IGF2R: variants seen among roughly 807,000 people sequenced by gnomAD.
IGF2R encodes the protein cation-independent mannose-6-phosphate receptor.
Under a neutral mutation model 270.6 loss-of-function variants are expected in IGF2R, and 91 were observed. The ratio of observed to expected loss-of-function variants is 0.34; its 90% CI spans 0.28 to 0.40. The LOEUF is 0.40. Ranked by LOEUF, IGF2R falls within the 10% of genes least tolerant of loss-of-function variation. IGF2R has a pLI of 1.00. For missense variants in IGF2R, 2,805 were observed against 3,188.3 expected, an observed-to-expected ratio of 0.88 and a Z score of 2.90; for synonymous variants, 1,316 against 1,258.9, an observed-to-expected ratio of 1.05 and a Z score of -0.96.
rs754691366 is a variant in IGF2R, at chr6:160,080,275, T to G, written c.5833T>G (p.Ser1945Ala). The change falls in exon 39 of 48, where the codon TCA (serine) becomes GCA (alanine). Residue 1945 changes from serine to alanine, a missense_variant and splice_region_variant. This residue lies in a region of IGF2R where 1,851 missense variants were observed against 2,207.2 expected (regional missense o/e 0.84). Coordinates refer to ENST00000356956, the MANE Select transcript of IGF2R (RefSeq NM_000876.4). ...RDHEWGFCRH[S>A]NSYRTSSIIF... ...CCACGAGTGGGGCTTCTGCAGACACTGTGAGTAGGACGGCTCCGCGTCCCC... is the reference window on the plus strand; with the variant it reads ...CCACGAGTGGGGCTTCTGCAGACACGGTGAGTAGGACGGCTCCGCGTCCCC... The G allele has an allele frequency of 2.7e-5, 43 of 1,613,758 alleles. No homozygotes were observed. Among genetic ancestry groups the G allele is most frequent in the Non-Finnish European group, 3.6e-5 (42 of 1,179,912 alleles).
At chr6:159,984,366 C>T (rs1020719921) in intron 1 of IGF2R, among the ~76,000 whole-genome samples, 4 of 151,946 alleles carry the variant, frequency 2.6e-5, no homozygotes, top group Non-Finnish European at 4.4e-5. Context: ...TAAACGAACC[C>T]ACTGCGCTAC....
intron 1 of IGF2R, among the ~76,000 whole-genome samples, chr6:159,980,183 A>AAAAGAAAGAAAGAAAGAAAGAAAGAAAG (rs57599343): frequency 1.6e-5 from 2 of 121,876 alleles, no homozygotes; most frequent in Admixed American, 8.4e-5. Context: ...TCCGTCTCAA[A>AAAAGAAAGAAAGAAAGAAAGAAAGAAAG]AAAGAAAGAA....
intron 27 of IGF2R, 77 bp from the exon 28 acceptor site, chr6:160,064,324 G>T (rs537977962): frequency 2.0e-6 from 3 of 1,519,196 alleles, no homozygotes; most frequent in Non-Finnish European, 2.7e-6. Context: ...AGGGTGTGTG[G>T]TGTCACATGT....
At chr6:159,984,546 G>A (rs1783852291) in intron 1 of IGF2R, among the ~76,000 whole-genome samples, 1 of 152,190 alleles carries the variant, frequency 6.6e-6, no homozygotes, top group South Asian at 2.1e-4. Context: ...TCTACGTTTA[G>A]ATATGTGTCA....
intron 1 of IGF2R, among the ~76,000 whole-genome samples, chr6:159,982,372 A>G (rs1783819527): frequency 6.6e-6 from 1 of 152,212 alleles, no homozygotes; most frequent in Non-Finnish European, 1.5e-5. Context: ...ACTCTGTTAG[A>G]GGACTTGCGT....
intron 35 of IGF2R, among the ~76,000 whole-genome samples, chr6:160,074,635 A>G (rs931921220): frequency 1.3e-5 from 2 of 152,134 alleles, no homozygotes; most frequent in African/African-American, 4.8e-5. Flanking sequence ...TTATATTCAT[A>G]TTTTGTCAAA....
intron 1 of IGF2R, among the ~76,000 whole-genome samples, chr6:159,987,576 G>A (rs1362772842): frequency 2.6e-5 from 4 of 152,210 alleles, no homozygotes; most frequent in South Asian, 2.1e-4. Context: ...ATTTTTAGTA[G>A]AGACGGAGTT....
At chr6:160,040,796 A>G in intron 11 of IGF2R, 72 bp downstream of exon 11, 1 of 1,460,512 alleles carries the variant, frequency 6.8e-7, no homozygotes, top group South Asian at 1.3e-5. Flanking sequence ...TACTTTTGGA[A>G]ATGCGGTTAC....
At chr6:160,083,535 G>A (rs1323525710) in intron 39 of IGF2R, among the ~76,000 whole-genome samples, 1 of 152,180 alleles carries the variant, frequency 6.6e-6, no homozygotes. Flanking sequence ...CTCATCCCAC[G>A]AGGCCATATT....
At chr6:160,037,076 G>A (rs1228669295) in intron 10 of IGF2R, among the ~76,000 whole-genome samples, 2 of 152,152 alleles carry the variant, frequency 1.3e-5, no homozygotes, top group Non-Finnish European at 2.9e-5. Flanking sequence ...TAAGCCATGC[G>A]TCATTGATGG....
intron 1 of IGF2R, among the ~76,000 whole-genome samples, chr6:159,988,238 G>A (rs376510807): frequency 6.6e-6 from 1 of 152,076 alleles, no homozygotes; most frequent in African/African-American, 2.4e-5. Flanking sequence ...ATAGCAGGCC[G>A]GGCGCGGTGG....
intron 2 of IGF2R, among the ~76,000 whole-genome samples, chr6:160,008,414 C>T (rs1784280525): frequency 6.6e-6 from 1 of 152,156 alleles, no homozygotes; most frequent in Non-Finnish European, 1.5e-5. Context: ...GTCTTTTGAT[C>T]AGTTTATTCC....
chr6:160,007,473 A>G (rs1190745071), intron 2 of IGF2R: 2 of 152,210 alleles, frequency 1.3e-5, no homozygotes, highest in Non-Finnish European at 2.9e-5. Context: ...GTAACATTGA[A>G]CATGTCTTAA....
intron 7 of IGF2R, 85 bp downstream of exon 7, chr6:160,029,740 G>A (rs1390898748): frequency 6.6e-6 from 6 of 913,694 alleles, no homozygotes; most frequent in Non-Finnish European, 1.1e-5. Context: ...TTGGGGCAGG[G>A]TGGGCCTGGA....
intron 30 of IGF2R, among the ~76,000 whole-genome samples, chr6:160,069,508 T>C (rs1778667716): frequency 6.6e-6 from 1 of 152,218 alleles, no homozygotes; most frequent in Non-Finnish European, 1.5e-5. Flanking sequence ...TGGTAGCTTC[T>C]TGAATAAAGA....
intron 21 of IGF2R, among the ~76,000 whole-genome samples, chr6:160,058,432 C>T (rs1385362207): frequency 3.9e-5 from 6 of 152,196 alleles, no homozygotes; most frequent in African/African-American, 1.4e-4. Flanking sequence ...CTTACTGTAT[C>T]TTCACACCAG....
At chr6:160,080,778 G>A (rs1395300185) in intron 39 of IGF2R, among the ~76,000 whole-genome samples, 1 of 152,130 alleles carries the variant, frequency 6.6e-6, no homozygotes, top group Non-Finnish European at 1.5e-5. Context: ...GCCAACTGCT[G>A]TGACTTGTGT....
At chr6:160,079,851 A>G in intron 38 of IGF2R, 64 bp downstream of exon 38, 1 of 1,370,962 alleles carries the variant, frequency 7.3e-7, no homozygotes, top group Non-Finnish European at 9.8e-7. Flanking sequence ...TAGACATAGC[A>G]GCAGAAAGAA....
chr6:159,980,231 G>GAAAGAAAGGAAAGAAAAGAAAGA (rs1554234687), intron 1 of IGF2R, among the ~76,000 whole-genome samples: 1 of 114,422 alleles, frequency 8.7e-6, no homozygotes, highest in Non-Finnish European at 2.0e-5. Flanking sequence ...AAGAAAGAAA[G>GAAAGAAAGGAAAGAAAAGAAAGA]AAAGAAAGGT....
Sources: allele counts gnomAD v4.1 joint callset (sites outside exome capture counted in the v4.1 genomes callset), GRCh38; gene constraint gnomAD v4.1.1; regional missense constraint gnomAD v4.1.1; transcripts MANE v1.5; gene names NCBI Gene and HGNC (gene_info 2026-07-23, HGNC 2026-07-21).